Variants in DNAJC21 observed in about 807,000 individuals in gnomAD.
DNAJC21 encodes the protein DnaJ heat shock protein family (Hsp40) member C21.
DNAJC21 carries 63 observed loss-of-function variants against 72.4 expected under a neutral mutation model. That is an observed-to-expected ratio of 0.87 (90% CI 0.71 to 1.07). The LOEUF is 1.07. Ranked by LOEUF, DNAJC21 falls within the 50% of genes least tolerant of loss-of-function variation. The probability of loss-of-function intolerance (pLI) is 0.00; values close to 1 mark genes in which losing one functional copy is unlikely to be tolerated. For synonymous variants in DNAJC21, 203 were observed against 216.7 expected (o/e 0.94, Z 0.56); for missense variants, 634 against 644.8 (o/e 0.98, Z 0.18).
At chr5:34,954,022 T>C (rs1367850406) in intron 11 of DNAJC21, 21 bp downstream of exon 11, 2 of 1,592,236 alleles carry the variant, frequency 1.3e-6, no homozygotes, top group Non-Finnish European at 1.7e-6. Flanking sequence ...ATCATATTCA[T>C]ATCTCTTTAG....
chr5:34,954,802 T>G lies in DNAJC21; in HGVS notation c.*88T>G, dbSNP rs1765489634. 1 of 1,282,092 alleles carries G rather than the reference T, an allele frequency of 7.8e-7. No individual in the cohort carries two copies. Among genetic ancestry groups the G allele is most frequent in the African/African-American group, 1.5e-5 (1 of 65,080 alleles). The allele number at this position is 1,282,092 out of a possible 1,614,324, so 79.4% of individuals were successfully genotyped here. On this transcript the variant is annotated 3_prime_UTR_variant, in exon 12 of 12. Coordinates refer to ENST00000648817, the MANE Select transcript of DNAJC21 (RefSeq NM_001012339.3). ...ATCATCTAAAGAGTTAAAATTTCAG[T>G]GATCTGCAATTAATTACATTGTGGA...
In DNAJC21 at chr5:34,945,749, A is replaced by G. The variant is rs1765156924; in HGVS notation, c.1143-12A>G. 1 of 1,582,586 alleles carries G rather than the reference A, an allele frequency of 6.3e-7. No individual in the cohort carries two copies. The highest frequency in any genetic ancestry group is 8.6e-7 in the Non-Finnish European group (1 of 1,168,404). ...TCAAGTATTTGACATTTCGATTTATATTTGCTCTTAGGCTTTCTAAAAAAC... is the reference window on the plus strand; with the variant it reads ...TCAAGTATTTGACATTTCGATTTATGTTTGCTCTTAGGCTTTCTAAAAAAC... On this transcript the variant is annotated splice_polypyrimidine_tract_variant and intron_variant, in intron 8 of 11. Coordinates refer to ENST00000648817, the MANE Select transcript of DNAJC21 (RefSeq NM_001012339.3).
Position 34,952,213 on chromosome 5 carries a change from A to C in DNAJC21, c.1359-1713A>C, listed in dbSNP as rs10472947. ...TTCAGAGATGTAACTGTCTTTCATA[A>C]TATAAGTGATGTTTGCCAGGAATAT... On this transcript the variant is annotated intron_variant, in intron 10 of 11. Transcript: ENST00000648817. The C allele has an allele frequency of 6.4e-4, 634 of 985,234 alleles. 4 individuals are homozygous for C. In the African/African-American group the frequency reaches 0.01, roughly 16 times the overall value. 61.0% of individuals were successfully genotyped at this position (985,234 alleles called of 1,614,324 possible). A position where few individuals can be genotyped will look rare whatever the true frequency, so the allele number is the denominator to read the frequency against.
In DNAJC21 at chr5:34,941,108, A is replaced by G; in HGVS notation, c.908A>G (p.Asp303Gly). ...LKDEEDGKDS[D>G]EAEDAELYDD... The stretch of plus-strand genomic sequence containing the variant: ...TTCCCTGTCATAGGTAAAGACAGTG[A>G]TGAGGCCGAGGACGCTGAGCTCTAT... The change falls in exon 7 of 12, where the codon GAT becomes GGT. Residue 303 changes from aspartate (D) to glycine (G), a missense_variant. By Grantham distance (94) the Asp-to-Gly change is moderately conservative (BLOSUM62 -1). Transcript: ENST00000648817. 6.2e-7 allele frequency: 1 copy of G among 1,613,876 alleles called. No homozygotes were observed. Among genetic ancestry groups the G allele is most frequent in the Non-Finnish European group, 8.5e-7 (1 of 1,179,812 alleles).
chr5:34,958,729 A>T lies in DNAJC21; in HGVS notation c.*4015A>T, dbSNP rs942948580. ...ATGACAGCCATGCATTAGAACAGCA[A>T]TTCTCAAAACTTTTGGTCTCAAGAT... is the stretch of plus-strand genomic sequence containing the variant. On this transcript the variant is annotated 3_prime_UTR_variant, in exon 12 of 12. Coordinates refer to ENST00000648817, the MANE Select transcript of DNAJC21 (RefSeq NM_001012339.3). 6.6e-6 allele frequency: 1 copy of T among 152,232 alleles called. No homozygotes were observed. Among genetic ancestry groups the T allele is most frequent in the East Asian group, 1.9e-4 (1 of 5,202 alleles). The allele number at this position is 152,232 out of a possible 1,614,324, so 9.4% of individuals were successfully genotyped here.
At chr5:34,953,304 C>T (rs1469198763) in intron 10 of DNAJC21, among the ~76,000 whole-genome samples, 1 of 151,884 alleles carries the variant, frequency 6.6e-6, no homozygotes, top group Admixed American at 6.6e-5. Flanking sequence ...CTCTGTCACC[C>T]CAGCTAGAAT....
chr5:34,945,743 A>G lies in DNAJC21; in HGVS notation c.1143-18A>G, dbSNP rs1202093834. ...ACAGAGTCAAGTATTTGACATTTCGATTTATATTTGCTCTTAGGCTTTCTA... is the reference window on the plus strand; with the variant it reads ...ACAGAGTCAAGTATTTGACATTTCGGTTTATATTTGCTCTTAGGCTTTCTA... On this transcript the variant is annotated intron_variant, in intron 8 of 11. Coordinates refer to ENST00000648817, the MANE Select transcript of DNAJC21 (RefSeq NM_001012339.3). 4 of 1,577,014 alleles carry G rather than the reference A, an allele frequency of 2.5e-6. No homozygotes were observed. Among genetic ancestry groups the G allele is most frequent in the Non-Finnish European group, 3.4e-6 (4 of 1,166,288 alleles).
chr5:34,951,345 G>T (rs1395946238), intron 10 of DNAJC21: 2 of 985,262 alleles, frequency 2.0e-6, no homozygotes, highest in Admixed American at 6.2e-5. Context: ...AAGGACAAAA[G>T]CTATTGAGTA....
chr5:34,950,092 C>A, intron 9 of DNAJC21, 78 bp from the exon 10 acceptor site: 1 of 1,454,138 alleles, frequency 6.9e-7, no homozygotes, highest in Non-Finnish European at 9.2e-7. Flanking sequence ...AGGTATATAA[C>A]TATTTGGCAA....
Position 34,937,373 on chromosome 5 carries a change from G to C in DNAJC21, c.486G>C (p.Lys162Asn), listed in dbSNP as rs1438992365. ...ATTGGCAGAGTTTCTGCACTCAAAAGAATTTTGCATGGAAGGAAGAATATG... is the reference window on the plus strand; with the variant it reads ...ATTGGCAGAGTTTCTGCACTCAAAACAATTTTGCATGGAAGGAAGAATATG... The part of the protein sequence containing the change: ...YAYWQSFCTQ[K>N]NFAWKEEYDT... The change falls in exon 5 of 12, where the codon AAG (lysine) becomes AAC (asparagine). Residue 162 changes from lysine to asparagine, a missense_variant. Coordinates refer to ENST00000648817, the MANE Select transcript of DNAJC21 (RefSeq NM_001012339.3). 3.1e-6 allele frequency: 5 copies of C among 1,613,764 alleles called. No individual in the cohort carries two copies. The South Asian group carries it at 5.5e-5, about 18-fold the overall frequency.
intron 1 of DNAJC21, among the ~76,000 whole-genome samples, chr5:34,931,985 G>A (rs1273454336): frequency 6.6e-6 from 1 of 152,218 alleles, no homozygotes; most frequent in Non-Finnish European, 1.5e-5. Flanking sequence ...TGGCATCAGT[G>A]TGATGGTATC....
chr5:34,953,610 A>G (rs530378329), intron 10 of DNAJC21: 186 of 224,210 alleles, frequency 8.3e-4, no homozygotes, highest in African/African-American at 4.0e-3. Flanking sequence ...AAAACACTGT[A>G]TTAAACACTG....
intron 1 of DNAJC21, among the ~76,000 whole-genome samples, chr5:34,930,823 C>T (rs1480402275): frequency 6.6e-6 from 1 of 152,178 alleles, no homozygotes. Flanking sequence ...GTTAGGAAAA[C>T]AACTTTCTGC....
chr5:34,939,551 C>T (rs1764916930), intron 6 of DNAJC21, among the ~76,000 whole-genome samples: 1 of 152,184 alleles, frequency 6.6e-6, no homozygotes, highest in Non-Finnish European at 1.5e-5. Flanking sequence ...AGGCGTGAGC[C>T]ACCGCGCCCG....
intron 7 of DNAJC21, among the ~76,000 whole-genome samples, chr5:34,942,794 C>T (rs564602693): frequency 1.6e-4 from 25 of 152,232 alleles, no homozygotes; most frequent in African/African-American, 5.3e-4. Flanking sequence ...TCTCGCTGGG[C>T]GCAGTGGCTC....
At position 34,958,785 on chromosome 5, in the gene DNAJC21, A is replaced by G. The variant is rs1025688624; in HGVS notation, c.*4071A>G. On this transcript the variant is annotated 3_prime_UTR_variant, in exon 12 of 12. Coordinates refer to ENST00000648817, the MANE Select transcript of DNAJC21 (RefSeq NM_001012339.3). Reference sequence around the variant, plus strand: ...TACACTCTTCAAAAGTGAGAACCCCAAAGAGTTTTCATGTATGTGGGTTAA... The same window carrying G: ...TACACTCTTCAAAAGTGAGAACCCCGAAGAGTTTTCATGTATGTGGGTTAA... 1 of 152,232 alleles carries G rather than the reference A, an allele frequency of 6.6e-6. No homozygotes were observed. The highest frequency in any genetic ancestry group is 1.5e-5 in the Non-Finnish European group (1 of 68,038). 9.4% of individuals were successfully genotyped at this position (152,232 alleles called of 1,614,324 possible). A position where few individuals can be genotyped will look rare whatever the true frequency, so the allele number is the denominator to read the frequency against.
intron 4 of DNAJC21, 79 bp from the exon 5 acceptor site, chr5:34,937,247 T>C: frequency 1.4e-6 from 2 of 1,416,580 alleles, no homozygotes; most frequent in Admixed American, 2.3e-5. Context: ...GTAAAAGATG[T>C]TTCGCATCAG....
intron 2 of DNAJC21, among the ~76,000 whole-genome samples, 199 bp downstream of exon 2, chr5:34,934,107 TA>T (rs552732696): frequency 2.1e-5 from 3 of 143,082 alleles, no homozygotes; most frequent in South Asian, 4.3e-4. Flanking sequence ...TCTGATATCA[TA>T]GGGGGTGAAA....
At chr5:34,941,674 C>T (rs887773692) in intron 7 of DNAJC21, among the ~76,000 whole-genome samples, 2 of 141,102 alleles carry the variant, frequency 1.4e-5, no homozygotes, top group Non-Finnish European at 3.0e-5. Context: ...TCAAGCGATT[C>T]TCCTGCCTCA....
Sources: allele counts gnomAD v4.1 joint callset (sites outside exome capture counted in the v4.1 genomes callset), GRCh38; gene constraint gnomAD v4.1.1; transcripts MANE v1.5; gene names NCBI Gene and HGNC (gene_info 2026-07-23, HGNC 2026-07-21).